Variants in SLC25A48 observed in about 807,000 individuals in gnomAD.
SLC25A48 encodes the protein solute carrier family 25 member 48, also known as CTC-321K16.1.
Under a neutral mutation model 32.2 loss-of-function variants are expected in SLC25A48, and 29 were observed. The ratio of observed to expected loss-of-function variants is 0.90; its 90% CI spans 0.67 to 1.23. The LOEUF is 1.23. Among genes scored for constraint, SLC25A48 ranks in the 50% most tolerant of loss-of-function variants. The pLI is 0.00. For missense variants in SLC25A48, 399 were observed against 422.7 expected, an observed-to-expected ratio of 0.94 and a Z score of 0.49; for synonymous variants, 164 against 172.3, an observed-to-expected ratio of 0.95 and a Z score of 0.38.
intron 3 of SLC25A48, among the ~76,000 whole-genome samples, chr5:135,680,691 C>T (rs1753875429): frequency 6.6e-6 from 1 of 152,136 alleles, no homozygotes; most frequent in Admixed American, 6.5e-5. Flanking sequence ...TATTCACAAT[C>T]ACAAGAACAG....
intron 1 of SLC25A48, among the ~76,000 whole-genome samples, chr5:135,841,570 A>G (rs1758993961): frequency 1.3e-5 from 2 of 152,204 alleles, no homozygotes; most frequent in Admixed American, 1.3e-4. Context: ...AAGAGAGTGA[A>G]GTTGGGAGAA....
chr5:135,734,821 C>CAAA (rs1186711507), intron 3 of SLC25A48, among the ~76,000 whole-genome samples: 6 of 116,794 alleles, frequency 5.1e-5, no homozygotes, highest in African/African-American at 9.7e-5. Context: ...CATCTCAAAA[C>CAAA]AAAAAAAAAA....
At position 135,764,631 on chromosome 5, in the gene SLC25A48, CA is replaced by C. The variant is rs1414575467; in HGVS notation, c.-520-47891del. ...TCCCTGTGATATGGTTCGTAATATC[CA>C]GGGGGGGAGAGGGTGATATTACTTC... On this transcript the variant is annotated intron_variant, in intron 3 of 10. Coordinates refer to the SLC25A48 transcript ENST00000646290. Among the ~76,000 whole-genome samples, 10 of 150,918 alleles carry C rather than the reference CA, an allele frequency of 6.6e-5. 1 individual carries two copies. The East Asian group carries it at 9.8e-4, about 15-fold the overall frequency.
intron 3 of SLC25A48, among the ~76,000 whole-genome samples, chr5:135,671,408 C>T (rs555674683): frequency 6.6e-6 from 1 of 152,328 alleles, no homozygotes; most frequent in South Asian, 2.1e-4. Flanking sequence ...ATATCAGTTC[C>T]ATTTCTTGCT....
At chr5:135,661,814 G>T (rs1753403516) in intron 3 of SLC25A48, among the ~76,000 whole-genome samples, 1 of 152,082 alleles carries the variant, frequency 6.6e-6, no homozygotes, top group Non-Finnish European at 1.5e-5. Flanking sequence ...TTAACCTGGG[G>T]ATCTGCCTCA....
intron 3 of SLC25A48, among the ~76,000 whole-genome samples, chr5:135,674,465 CTA>C (rs775175192): frequency 3.9e-5 from 6 of 152,054 alleles, no homozygotes; most frequent in Non-Finnish European, 7.4e-5. Context: ...ACTCTGGTAT[CTA>C]TCACTCTATT....
rs566432859 is a variant in SLC25A48, at chr5:135,791,443, C to T, written c.-520-21080C>T. Among the ~76,000 whole-genome samples, 150 of 151,638 alleles carry T rather than the reference C, an allele frequency of 9.9e-4. 2 individuals carry two copies. Among genetic ancestry groups the T allele is most frequent in the Middle Eastern group, 3.4e-3 (1 of 294 alleles). On this transcript the variant is annotated intron_variant, in intron 3 of 10. Coordinates refer to the SLC25A48 transcript ENST00000646290. Reference sequence around the variant, plus strand: ...CTTTGGGGGATGTTACTTTTGATTTCGCAGGGAGTGTACACCCTGTGATAT... The same window carrying T: ...CTTTGGGGGATGTTACTTTTGATTTTGCAGGGAGTGTACACCCTGTGATAT...
chr5:135,808,908 G>GTT (rs1438309314), intron 3 of SLC25A48, among the ~76,000 whole-genome samples: 4 of 152,104 alleles, frequency 2.6e-5, no homozygotes, highest in Non-Finnish European at 2.9e-5. Flanking sequence ...TCAACAACAG[G>GTT]AAGAAGCCCC....
intron 3 of SLC25A48, among the ~76,000 whole-genome samples, chr5:135,777,541 T>C (rs986262109): frequency 1.3e-5 from 2 of 151,450 alleles, no homozygotes; most frequent in African/African-American, 4.9e-5. Flanking sequence ...ACACTCCCTG[T>C]GATTTTTTTT....
intron 3 of SLC25A48, chr5:135,648,728 T>C (rs928031396): frequency 6.6e-6 from 1 of 152,270 alleles, no homozygotes; most frequent in Non-Finnish European, 1.5e-5. Flanking sequence ...TGAGGGCCTA[T>C]GATTGCTTGT....
At chr5:135,852,849 T>G (rs773895099) in intron 4 of SLC25A48, 28 bp downstream of exon 4, 1 of 1,585,120 alleles carries the variant, frequency 6.3e-7, no homozygotes. Flanking sequence ...CGGAGGCTGG[T>G]GTCTGGGACT....
chr5:135,809,824 C>A (rs1295938380), intron 3 of SLC25A48, among the ~76,000 whole-genome samples: 1 of 152,196 alleles, frequency 6.6e-6, no homozygotes, highest in African/African-American at 2.4e-5. Flanking sequence ...GAGTGGTACT[C>A]CACGGTACCA....
intron 3 of SLC25A48, among the ~76,000 whole-genome samples, chr5:135,683,190 T>A (rs1382771972): frequency 6.6e-6 from 1 of 152,146 alleles, no homozygotes; most frequent in East Asian, 1.9e-4. Flanking sequence ...AAACTACTAT[T>A]GGTTTAATCA....
chr5:135,814,387 G>A (rs1401945435), intron 4 of SLC25A48, among the ~76,000 whole-genome samples: 2 of 152,172 alleles, frequency 1.3e-5, no homozygotes, highest in South Asian at 2.1e-4. Context: ...CCAACTGCAC[G>A]CAGCAGTGAG....
intron 3 of SLC25A48, chr5:135,650,408 C>T (rs1753080758): frequency 4.4e-6 from 2 of 455,986 alleles, no homozygotes; most frequent in African/African-American, 2.0e-5. Flanking sequence ...GAGGATGATG[C>T]TTCCTTCACA....
At position 135,584,817 on chromosome 5, in the gene SLC25A48, A is replaced by C. The variant is rs572407927; in HGVS notation, c.-849+5220A>C. Among the ~76,000 whole-genome samples the C allele has an allele frequency of 7.2e-5, 11 of 152,394 alleles. 1 individual carries two copies. The highest frequency in any genetic ancestry group is 4.6e-4 in the Admixed American group (7 of 15,314). On this transcript the variant is annotated intron_variant, in intron 1 of 10. Coordinates refer to the SLC25A48 transcript ENST00000646290. Reference sequence around the variant, plus strand: ...AGAAAAAACACAAGGTTGTGTAAACACTGTGATTATAAGTATGCAAAACAG... The same window carrying C: ...AGAAAAAACACAAGGTTGTGTAAACCCTGTGATTATAAGTATGCAAAACAG...
intron 3 of SLC25A48, among the ~76,000 whole-genome samples, chr5:135,707,657 A>C (rs1022795614): frequency 6.6e-6 from 1 of 150,858 alleles, no homozygotes; most frequent in African/African-American, 2.4e-5. Flanking sequence ...CTCCAACATC[A>C]CTCTTCAGAG....
intron 4 of SLC25A48, among the ~76,000 whole-genome samples, chr5:135,857,919 C>G (rs1281542077): frequency 6.6e-6 from 1 of 152,112 alleles, no homozygotes; most frequent in Non-Finnish European, 1.5e-5. Flanking sequence ...TTAAAGGGCC[C>G]TTTACCACCT....
At chr5:135,801,403 G>A (rs147790637) in intron 3 of SLC25A48, among the ~76,000 whole-genome samples, 1 of 150,952 alleles carries the variant, frequency 6.6e-6, no homozygotes, top group Non-Finnish European at 1.5e-5. Context: ...CTGTGATATT[G>A]TTCATAGGAG....
Sources: allele counts gnomAD v4.1 joint callset (sites outside exome capture counted in the v4.1 genomes callset), GRCh38; gene constraint gnomAD v4.1.1; transcripts MANE v1.5; gene names NCBI Gene and HGNC (gene_info 2026-07-23, HGNC 2026-07-21).